The following STXBP5L variants were observed in gnomAD, a reference collection of about 807,000 sequenced individuals.
STXBP5L encodes syntaxin-binding protein 5-like.
In STXBP5L, 65 loss-of-function variants were observed where a neutral mutation model predicts 144.5. The ratio of observed to expected loss-of-function variants is 0.45; its 90% confidence interval spans 0.37 to 0.55. The LOEUF (loss-of-function observed/expected upper bound fraction) is 0.55. Among genes scored for constraint, STXBP5L ranks in the 20% least tolerant of loss-of-function variants. The pLI, the probability that STXBP5L is intolerant of heterozygous loss-of-function variation, is 0.00. For missense variants in STXBP5L, 1,298 were observed against 1,405.5 expected (o/e 0.92, Z 1.22); for synonymous variants, 505 against 469.6 (o/e 1.08, Z -0.97).
intron 23 of STXBP5L, among the ~76,000 whole-genome samples, chr3:121,411,209 T>C (rs971896950): frequency 1.3e-5 from 2 of 152,102 alleles, no homozygotes; most frequent in Non-Finnish European, 2.9e-5. Context: ...AACTGCTCAA[T>C]AGCTACATGT....
chr3:121,053,650 G>A (rs201970382), intron 5 of STXBP5L, among the ~76,000 whole-genome samples: 4 of 152,228 alleles, frequency 2.6e-5, no homozygotes, highest in Admixed American at 6.5e-5. Context: ...AGAAAACCTA[G>A]GCAATACCAT....
Position 121,002,700 on chromosome 3 carries a change from C to T in STXBP5L, c.288-39000C>T, listed in dbSNP as rs1391259298. 1.1e-4 allele frequency among the ~76,000 whole-genome samples: 16 copies of T among 150,048 alleles called. No individual in the cohort carries two copies. In the South Asian group the frequency reaches 3.0e-3, roughly 28 times the overall value. On this transcript the variant is annotated intron_variant, in intron 3 of 26. Transcript: ENST00000471454. ...AGGTATACCTCCTAATGCAATCCCT[C>T]CCCCAGCCCCCCACCCCACAACAGG...
intron 20 of STXBP5L, among the ~76,000 whole-genome samples, chr3:121,351,226 C>G (rs1385791773): frequency 2.0e-5 from 3 of 152,126 alleles, no homozygotes; most frequent in African/African-American, 4.8e-5. Context: ...GAGTTCCACT[C>G]CAGACCCTGT....
intron 10 of STXBP5L, among the ~76,000 whole-genome samples, chr3:121,206,653 T>A (rs2048346079): frequency 6.6e-6 from 1 of 151,750 alleles, no homozygotes; most frequent in Non-Finnish European, 1.5e-5. Context: ...CTGCTAGAAA[T>A]ACACAAAAAA....
intron 26 of STXBP5L, 151 bp downstream of exon 26, chr3:121,418,708 C>G (rs1387847692): frequency 1.2e-6 from 1 of 817,914 alleles, no homozygotes; most frequent in Non-Finnish European, 1.9e-6. Context: ...TATAATTCTC[C>G]CAGTGCTTGG....
At chr3:121,165,050 A>C (rs1435576425) in intron 9 of STXBP5L, among the ~76,000 whole-genome samples, 1 of 152,222 alleles carries the variant, frequency 6.6e-6, no homozygotes, top group Non-Finnish European at 1.5e-5. Context: ...AAAATGGTTA[A>C]ATATGGGAGA....
At chr3:121,065,375 A>C (rs558405364) in intron 5 of STXBP5L, among the ~76,000 whole-genome samples, 1 of 152,100 alleles carries the variant, frequency 6.6e-6, no homozygotes, top group Admixed American at 6.5e-5. Flanking sequence ...ATATATATTC[A>C]TACATATTTA....
intron 5 of STXBP5L, among the ~76,000 whole-genome samples, chr3:121,107,389 T>TTTA (rs1294473736): frequency 6.6e-6 from 1 of 152,092 alleles, no homozygotes; most frequent in East Asian, 1.9e-4. Flanking sequence ...AGTTAATTTT[T>TTTA]TTATAAGTTT....
At chr3:121,169,100 G>A (rs2046609411) in intron 9 of STXBP5L, among the ~76,000 whole-genome samples, 2 of 152,166 alleles carry the variant, frequency 1.3e-5, no homozygotes, top group Admixed American at 6.5e-5. Flanking sequence ...AGCTTCATAA[G>A]CAAAGGAGAA....
chr3:121,343,613 C>G (rs559698652), intron 20 of STXBP5L, among the ~76,000 whole-genome samples: 1 of 152,128 alleles, frequency 6.6e-6, no homozygotes, highest in African/African-American at 2.4e-5. Context: ...AACAGACAAA[C>G]AGACAGCCAA....
At chr3:121,045,925 G>A (rs553168769) in intron 5 of STXBP5L, among the ~76,000 whole-genome samples, 19 of 152,102 alleles carry the variant, frequency 1.2e-4, no homozygotes, top group Non-Finnish European at 2.4e-4. Flanking sequence ...GTGAGAGATG[G>A]CATCCTTGTC....
Position 121,084,290 on chromosome 3 carries a change from G to A in STXBP5L, c.471-30635G>A, listed in dbSNP as rs1398233932. On this transcript the variant is annotated intron_variant, in intron 5 of 26. Transcript: ENST00000471454. ...TAAACTTGTGCCATGTTGGCTTGCT[G>A]CACCTATCAACCTATCACCTAGGTA... 2.6e-5 allele frequency among the ~76,000 whole-genome samples: 4 copies of A among 152,110 alleles called. 1 individual carries two copies. The highest frequency in any genetic ancestry group is 3.2e-3 in the Middle Eastern group (1 of 316).
chr3:121,415,696 T>A (rs2047215753), intron 24 of STXBP5L, among the ~76,000 whole-genome samples, 161 bp from the exon 25 acceptor site: 1 of 152,110 alleles, frequency 6.6e-6, no homozygotes, highest in Non-Finnish European at 1.5e-5. Context: ...ACAAAAGAAA[T>A]GCCAGAGGGA....
At chr3:121,221,435 C>T (rs564483924) in intron 10 of STXBP5L, among the ~76,000 whole-genome samples, 92 of 151,598 alleles carry the variant, frequency 6.1e-4, no homozygotes, top group Middle Eastern at 3.4e-3. Context: ...AAAATAGATA[C>T]GTATGGCCTT....
rs558942126 is a variant in STXBP5L, at chr3:120,978,230, G to A, written c.287+23193G>A. The stretch of plus-strand genomic sequence containing the variant: ...TTCACCTAGTCCCATATTTCTTGGA[G>A]GCTTTGTTCGTTTCTTTTTATTCTT... On this transcript the variant is annotated intron_variant, in intron 3 of 26. Transcript: ENST00000471454. Among the ~76,000 whole-genome samples, 14 of 152,302 alleles carry A rather than the reference G, an allele frequency of 9.2e-5. No homozygotes were observed. The South Asian group carries it at 2.9e-3, about 32-fold the overall frequency.
intron 7 of STXBP5L, among the ~76,000 whole-genome samples, chr3:121,122,064 A>T (rs1351687060): frequency 6.6e-6 from 1 of 151,196 alleles, no homozygotes; most frequent in Non-Finnish European, 1.5e-5. Flanking sequence ...ACCAATATTA[A>T]ATAACATAAA....
chr3:120,996,744 T>G (rs1272033939), intron 3 of STXBP5L, among the ~76,000 whole-genome samples: 4 of 152,146 alleles, frequency 2.6e-5, no homozygotes, highest in Non-Finnish European at 4.4e-5. Context: ...TCACTTATCT[T>G]AATATCCTCC....
At chr3:121,029,979 T>C (rs796681357) in intron 3 of STXBP5L, among the ~76,000 whole-genome samples, 11 of 152,266 alleles carry the variant, frequency 7.2e-5, no homozygotes, top group African/African-American at 2.6e-4. Flanking sequence ...TACAATGAGA[T>C]ACCATCTCAT....
chr3:121,065,093 A>G (rs1246177083), intron 5 of STXBP5L, among the ~76,000 whole-genome samples: 2 of 151,578 alleles, frequency 1.3e-5, no homozygotes, highest in African/African-American at 2.4e-5. Flanking sequence ...ATGGCTGCAT[A>G]GTATTCTATG....
Sources: allele counts gnomAD v4.1 joint callset (sites outside exome capture counted in the v4.1 genomes callset), GRCh38; gene constraint gnomAD v4.1.1; transcripts MANE v1.5; gene names NCBI Gene and HGNC (gene_info 2026-07-23, HGNC 2026-07-21).